The following PABPC4L variants were observed in gnomAD, a reference collection of about 807,000 sequenced individuals.
PABPC4L encodes the protein poly(A) binding protein cytoplasmic 4 like.
For missense variants in PABPC4L, 452 were observed against 451.4 expected (o/e 1.00, Z -0.01); for synonymous variants, 169 against 164.1 (o/e 1.03, Z -0.23).
At chr4:134,108,025 C>A in the PABPC4L span, among the ~76,000 whole-genome samples, 32 of 151,210 alleles carry the variant, frequency 2.1e-4, no homozygotes, top group South Asian at 4.8e-3. Flanking sequence ...TAAAAAAGAC[C>A]ATTTACTATA....
At chr4:134,165,518 C>T in the PABPC4L span, among the ~76,000 whole-genome samples, 1 of 151,854 alleles carries the variant, frequency 6.6e-6, no homozygotes, top group Non-Finnish European at 1.5e-5. Flanking sequence ...CACAAATGAT[C>T]AATAAACATG....
chr4:134,076,633 G>C, the PABPC4L span, among the ~76,000 whole-genome samples: 1 of 152,040 alleles, frequency 6.6e-6, no homozygotes, highest in African/African-American at 2.4e-5. Flanking sequence ...TAATCTTTGC[G>C]GGCAAGTAAT....
chr4:134,156,646 G>A, the PABPC4L span, among the ~76,000 whole-genome samples: 2 of 151,572 alleles, frequency 1.3e-5, no homozygotes, highest in Admixed American at 6.6e-5. Context: ...TTAGAATGGG[G>A]TATTTATTGG....
the PABPC4L span, among the ~76,000 whole-genome samples, chr4:134,057,013 A>G: frequency 6.6e-6 from 1 of 152,174 alleles, no homozygotes; most frequent in Non-Finnish European, 1.5e-5. Flanking sequence ...AACATTACCT[A>G]GAGGTTTTTT....
the PABPC4L span, among the ~76,000 whole-genome samples, chr4:134,187,508 A>G: frequency 1.7e-5 from 2 of 116,574 alleles, no homozygotes; most frequent in South Asian, 6.1e-4. Flanking sequence ...ACACTTGGAC[A>G]CAGGGTGGGG....
the PABPC4L span, among the ~76,000 whole-genome samples, chr4:134,082,521 T>A: frequency 6.6e-6 from 1 of 152,160 alleles, no homozygotes. Context: ...TCTTATTATG[T>A]CTATTAAAAA....
chr4:134,046,070 C>T, the PABPC4L span, among the ~76,000 whole-genome samples: 3 of 152,080 alleles, frequency 2.0e-5, no homozygotes, highest in Admixed American at 1.3e-4. Context: ...GACACAGAGA[C>T]AAAGTATAGA....
chr4:134,187,853 T>C, the PABPC4L span, among the ~76,000 whole-genome samples: 1 of 152,234 alleles, frequency 6.6e-6, no homozygotes, highest in East Asian at 1.9e-4. Flanking sequence ...ACAAGATATA[T>C]TGTTTTTTGA....
the PABPC4L span, among the ~76,000 whole-genome samples, chr4:134,148,307 T>A: frequency 6.6e-6 from 1 of 152,154 alleles, no homozygotes; most frequent in Non-Finnish European, 1.5e-5. Flanking sequence ...TCATGGTATA[T>A]CCCTTAATGT....
At chr4:134,016,196 T>C in the PABPC4L span, among the ~76,000 whole-genome samples, 1 of 152,290 alleles carries the variant, frequency 6.6e-6, no homozygotes, top group Non-Finnish European at 1.5e-5. Flanking sequence ...AGGCTACTGC[T>C]CTGTCCCCCT....
At chr4:134,167,449 G>A in the PABPC4L span, among the ~76,000 whole-genome samples, 3 of 151,814 alleles carry the variant, frequency 2.0e-5, no homozygotes, top group East Asian at 5.8e-4. Flanking sequence ...AATATGGCAT[G>A]TAAGTGATCA....
At chr4:134,175,558 C>T in the PABPC4L span, among the ~76,000 whole-genome samples, 1 of 152,076 alleles carries the variant, frequency 6.6e-6, no homozygotes, top group Non-Finnish European at 1.5e-5. Context: ...AAGCGATTCT[C>T]CTGCCTCAGC....
the PABPC4L span, among the ~76,000 whole-genome samples, chr4:134,092,980 C>T: frequency 0.51 from 76,815 of 151,760 alleles, 20,598 homozygotes; most frequent in East Asian, 0.94. Context: ...CTTTTTCTAG[C>T]GAATTACTCA....
At chr4:134,157,955 T>G in the PABPC4L span, among the ~76,000 whole-genome samples, 38 of 151,940 alleles carry the variant, frequency 2.5e-4, no homozygotes, top group African/African-American at 8.4e-4. Flanking sequence ...CACTTATTTG[T>G]TCTCTCTCTC....
chr4:134,081,508 G>C, the PABPC4L span, among the ~76,000 whole-genome samples: 149 of 152,218 alleles, frequency 9.8e-4, no homozygotes, highest in Admixed American at 2.9e-3. Flanking sequence ...AGATTATGGA[G>C]TTTATTTGAG....
At chr4:134,191,233 C>T in the PABPC4L span, among the ~76,000 whole-genome samples, 5 of 152,006 alleles carry the variant, frequency 3.3e-5, no homozygotes, top group African/African-American at 1.2e-4. Context: ...ATCCATTTGT[C>T]CTACTCTATA....
At position 134,198,476 on chromosome 4, in the gene PABPC4L, A is replaced by C; in HGVS notation, c.*1431T>G. The C allele has an allele frequency of 6.6e-6, 1 of 151,654 alleles. No homozygotes were observed. The highest frequency in any genetic ancestry group is 1.9e-4 in the East Asian group (1 of 5,188). 9.4% of individuals were successfully genotyped at this position (151,654 alleles called of 1,614,324 possible). A position where few individuals can be genotyped will look rare whatever the true frequency, so the allele number is the denominator to read the frequency against. ...ATAAGCTGAGGTATTGCCAAAAAAT[A>C]TTTTACTATTTCTTTTATATTAGTA... On this transcript the variant is annotated 3_prime_UTR_variant, in exon 2 of 2. Coordinates refer to ENST00000421491, the MANE Select transcript of PABPC4L (RefSeq NM_001114734.2).
the PABPC4L span, among the ~76,000 whole-genome samples, chr4:134,026,900 T>C: frequency 2.0e-5 from 3 of 152,084 alleles, no homozygotes. Flanking sequence ...CAGAATGGAT[T>C]CTTCCTCATG....
In PABPC4L at chr4:134,199,684, T is replaced by C; in HGVS notation, c.*223A>G. ...ATATCAAAATAAGAAAAATGTGCAATATTAAAATTAGAAAATGTGCCTCTG... is the reference window on the plus strand; with the variant it reads ...ATATCAAAATAAGAAAAATGTGCAACATTAAAATTAGAAAATGTGCCTCTG... On this transcript the variant is annotated 3_prime_UTR_variant, in exon 2 of 2. Transcript: ENST00000421491. The C allele has an allele frequency of 1.9e-6, 1 of 524,240 alleles. No homozygotes were observed. Among genetic ancestry groups the C allele is most frequent in the Non-Finnish European group, 3.3e-6 (1 of 302,966 alleles). 32.5% of individuals were successfully genotyped at this position (524,240 alleles called of 1,614,324 possible).
Sources: allele counts gnomAD v4.1 joint callset (sites outside exome capture counted in the v4.1 genomes callset), GRCh38; gene constraint gnomAD v4.1.1; transcripts MANE v1.5; gene names NCBI Gene and HGNC (gene_info 2026-07-23, HGNC 2026-07-21).